Variants in DYNC2H1 observed in about 807,000 individuals in gnomAD.
The protein encoded by DYNC2H1 is cytoplasmic dynein 2 heavy chain 1.
Under a neutral mutation model 570.0 loss-of-function variants are expected in DYNC2H1, and 410 were observed. That is an observed-to-expected ratio of 0.72 (90% CI 0.66 to 0.78). DYNC2H1 has a LOEUF of 0.78. Ranked by LOEUF, DYNC2H1 falls within the 30% of genes least tolerant of loss-of-function variation. DYNC2H1 has a pLI of 0.00. For synonymous variants in DYNC2H1, 1,688 were observed against 1,677.6 expected, an observed-to-expected ratio of 1.01 and a Z score of -0.15; for missense variants, 4,865 against 5,046.4, an observed-to-expected ratio of 0.96 and a Z score of 1.09.
At chr11:103,400,419 T>C (rs2135647993) in intron 84 of DYNC2H1, among the ~76,000 whole-genome samples, 1 of 152,270 alleles carries the variant, frequency 6.6e-6, no homozygotes, top group Non-Finnish European at 1.5e-5. Flanking sequence ...AGTAAGGAAA[T>C]GATGATTACC....
rs139232237 is a variant in DYNC2H1 at position 103,215,130 on chromosome 11, G to A, written c.8695-591G>A. 1.5e-3 allele frequency among the ~76,000 whole-genome samples: 233 copies of A among 152,068 alleles called. 2 individuals carry two copies. The highest frequency in any genetic ancestry group is 5.4e-3 in the African/African-American group (226 of 41,486). Reference sequence around the variant, plus strand: ...AATTTGACTTCCTCTTTTCCAATTTGGATGTCTTTTGTTTCTTTCTCTTGC... The same window carrying A: ...AATTTGACTTCCTCTTTTCCAATTTAGATGTCTTTTGTTTCTTTCTCTTGC... On this transcript the variant is annotated intron_variant, in intron 54 of 88. Coordinates refer to ENST00000375735, the MANE Select transcript of DYNC2H1 (RefSeq NM_001377.3).
At chr11:103,335,165 A>G (rs1219079971) in intron 82 of DYNC2H1, among the ~76,000 whole-genome samples, 5 of 152,036 alleles carry the variant, frequency 3.3e-5, no homozygotes, top group Non-Finnish European at 2.9e-5. Context: ...AAAAGCATCC[A>G]TCAGCATTTT....
intron 85 of DYNC2H1, among the ~76,000 whole-genome samples, chr11:103,452,390 G>A (rs2135797771): frequency 6.6e-6 from 1 of 151,474 alleles, no homozygotes; most frequent in Non-Finnish European, 1.5e-5. Flanking sequence ...TTTTCATAAA[G>A]TTGTTTTCAT....
rs1273661728 is a variant in DYNC2H1 at position 103,453,641 on chromosome 11, T to TATATATATATATATATAC, written c.12457-1544_12457-1543insTATATATATATATATACA. ...ATATATATATATATATATATATATATACACACATTCATTACTGGCAACAAC... is the reference window on the plus strand; with the variant it reads ...ATATATATATATATATATATATATATATATATATATATATATACACACACATTCATTACTGGCAACAAC... On this transcript the variant is annotated intron_variant, in intron 85 of 88. Coordinates refer to ENST00000375735, the MANE Select transcript of DYNC2H1 (RefSeq NM_001377.3). 3.2e-3 allele frequency among the ~76,000 whole-genome samples: 300 copies of TATATATATATATATATAC among 93,122 alleles called. 1 individual carries two copies. Among genetic ancestry groups the TATATATATATATATATAC allele is most frequent in the African/African-American group, 0.011 (288 of 25,948 alleles). The allele number at this position is 93,122 out of a possible 152,430, so 61.1% of individuals were successfully genotyped here. A position where few individuals can be genotyped will look rare whatever the true frequency, so the allele number is the denominator to read the frequency against.
chr11:103,153,471 G>T lies in DYNC2H1; in HGVS notation c.3265G>T (p.Glu1089Ter). The change falls in exon 22 of 89, where the codon GAG becomes TAG. Residue 1089 changes from glutamate (E) to a stop codon, truncating the protein, a stop_gained. Coordinates refer to ENST00000375735, the MANE Select transcript of DYNC2H1 (RefSeq NM_001377.3). LOFTEE classifies it high-confidence loss of function. ...AAAGTTAATAAAAGAGAAAAAAATT[G>T]AGTTTGATGATCTTGAAGTCACAAG... is the stretch of plus-strand genomic sequence containing the variant. ...SAKLIKEKKI[E>*]FDDLEVTRKK... 1 of 1,567,552 alleles carries T rather than the reference G, an allele frequency of 6.4e-7. No individual in the cohort carries two copies. The highest frequency in any genetic ancestry group is 1.2e-5 in the South Asian group (1 of 81,618).
Position 103,198,755 on chromosome 11 carries a change from A to C in DYNC2H1, c.7840-473A>C, listed in dbSNP as rs142638688. Among the ~76,000 whole-genome samples, 18 of 151,986 alleles carry C rather than the reference A, an allele frequency of 1.2e-4. No individual in the cohort carries two copies. The East Asian group carries it at 3.5e-3, about 29-fold the overall frequency. On this transcript the variant is annotated intron_variant, in intron 48 of 88. Coordinates refer to ENST00000375735, the MANE Select transcript of DYNC2H1 (RefSeq NM_001377.3). ...CCTTTCTCCCTTCCTGCACTCTATCAGGTAGTCCCTGGCAGAGCATGGTAC... is the reference window on the plus strand; with the variant it reads ...CCTTTCTCCCTTCCTGCACTCTATCCGGTAGTCCCTGGCAGAGCATGGTAC...
intron 29 of DYNC2H1, among the ~76,000 whole-genome samples, chr11:103,162,821 A>G (rs1275083707): frequency 6.6e-6 from 1 of 152,186 alleles, no homozygotes; most frequent in Non-Finnish European, 1.5e-5. Flanking sequence ...GTTTTATTCA[A>G]ATTATTTAAA....
In DYNC2H1 at chr11:103,270,161, C is replaced by G. The variant is rs189030626; in HGVS notation, c.10695+10184C>G. Among the ~76,000 whole-genome samples, 136 of 147,918 alleles carry G rather than the reference C, an allele frequency of 9.2e-4. 1 individual carries two copies. Among genetic ancestry groups the G allele is most frequent in the African/African-American group, 3.3e-3 (131 of 40,160 alleles). ...TGAGCTGAGATCACGCCACTGCATT[C>G]CAGATTGGGTGACAGAGCAAGATTC... is the stretch of plus-strand genomic sequence containing the variant. On this transcript the variant is annotated intron_variant, in intron 70 of 88. Transcript: ENST00000375735.
chr11:103,420,935 G>A (rs1480387101), intron 84 of DYNC2H1, among the ~76,000 whole-genome samples: 2 of 152,152 alleles, frequency 1.3e-5, no homozygotes, highest in South Asian at 4.1e-4. Context: ...AGAGTGGCAA[G>A]CTGTATGAAG....
In DYNC2H1 at chr11:103,143,326, C is replaced by G; in HGVS notation, c.2633C>G (p.Thr878Ser). The change falls in exon 18 of 89, where the codon ACT becomes AGT. Residue 878 changes from threonine to serine, a missense_variant. Coordinates refer to ENST00000375735, the MANE Select transcript of DYNC2H1 (RefSeq NM_001377.3). ...MEALVEKHLF[T>S]VHDWEKNFKA... ...GCTCTGGTGGAAAAGCATCTTTTTA[C>G]TGTACATGATTGGGAGAAAAATTTT... 1.2e-6 allele frequency: 2 copies of G among 1,613,376 alleles called. No homozygotes were observed. Among genetic ancestry groups the G allele is most frequent in the Non-Finnish European group, 1.7e-6 (2 of 1,179,604 alleles).
intron 70 of DYNC2H1, among the ~76,000 whole-genome samples, chr11:103,272,379 C>T (rs1369984261): frequency 2.6e-5 from 4 of 151,882 alleles, no homozygotes; most frequent in African/African-American, 9.7e-5. Context: ...ACAATGAGAA[C>T]ACTTGGACAC....
intron 42 of DYNC2H1, 50 bp from the exon 43 acceptor site, chr11:103,187,289 AT>A: frequency 6.2e-7 from 1 of 1,605,648 alleles, no homozygotes; most frequent in Admixed American, 1.7e-5. Context: ...TATAAAATGT[AT>A]TTTGTTGGTT....
intron 70 of DYNC2H1, among the ~76,000 whole-genome samples, chr11:103,271,638 T>C (rs1405428273): frequency 6.6e-6 from 1 of 152,236 alleles, no homozygotes; most frequent in Non-Finnish European, 1.5e-5. Context: ...TATATCAGTT[T>C]ACTGTATATC....
At chr11:103,445,482 C>G (rs1944391675) in intron 85 of DYNC2H1, among the ~76,000 whole-genome samples, 1 of 152,100 alleles carries the variant, frequency 6.6e-6, no homozygotes, top group Non-Finnish European at 1.5e-5. Context: ...GAGGTTATTG[C>G]AGTAATCCAA....
At chr11:103,110,474 C>T (rs538881972) in intron 1 of DYNC2H1, among the ~76,000 whole-genome samples, 55 of 151,466 alleles carry the variant, frequency 3.6e-4, no homozygotes, top group Admixed American at 2.3e-3. Context: ...TTTAACATTG[C>T]CCAAGGGAAA....
intron 63 of DYNC2H1, among the ~76,000 whole-genome samples, chr11:103,237,829 T>G (rs993330393): frequency 6.6e-6 from 1 of 152,058 alleles, no homozygotes; most frequent in Non-Finnish European, 1.5e-5. Context: ...ATCAGAATAA[T>G]TTTTTTACCA....
chr11:103,141,209 C>G (rs1045543806), intron 17 of DYNC2H1, among the ~76,000 whole-genome samples: 7 of 152,228 alleles, frequency 4.6e-5, no homozygotes, highest in Non-Finnish European at 7.3e-5. Context: ...CTCAACTCGT[C>G]AAAGTCATTC....
intron 84 of DYNC2H1, among the ~76,000 whole-genome samples, chr11:103,423,423 A>C (rs1591731031): frequency 1.3e-5 from 2 of 149,308 alleles, no homozygotes; most frequent in Admixed American, 1.3e-4. Flanking sequence ...AAAAAAAAAA[A>C]AAAAAAAAAA....
intron 82 of DYNC2H1, among the ~76,000 whole-genome samples, chr11:103,337,242 T>C (rs1384753089): frequency 2.6e-5 from 4 of 152,210 alleles, no homozygotes; most frequent in Admixed American, 2.6e-4. Context: ...GAAACAATGC[T>C]TATCACTGGC....
Sources: gnomAD v4.1 joint callset for allele counts (sites outside exome capture counted in the v4.1 genomes callset) on GRCh38, gnomAD v4.1.1 for gene constraint, MANE v1.5 for transcripts, NCBI Gene and HGNC (gene_info 2026-07-23, HGNC 2026-07-21) for gene names.